SEMA6D: variants seen among roughly 807,000 people sequenced by gnomAD.
The protein encoded by SEMA6D is semaphorin 6D.
Under a neutral mutation model 106.6 loss-of-function variants are expected in SEMA6D, and 35 were observed. That is an observed-to-expected ratio of 0.33 (90% confidence interval 0.25 to 0.44). SEMA6D has a LOEUF of 0.44. Among genes scored for constraint, SEMA6D ranks in the 20% least tolerant of loss-of-function variants. SEMA6D has a pLI of 1.00. For synonymous variants in SEMA6D, 499 were observed against 487.7 expected (o/e 1.02, Z -0.31); for missense variants, 1,185 against 1,345.9 (o/e 0.88, Z 1.87).
At chr15:47,726,048 C>T (rs184741346) in intron 1 of SEMA6D, among the ~76,000 whole-genome samples, 3 of 152,230 alleles carry the variant, frequency 2.0e-5, no homozygotes, top group Non-Finnish European at 2.9e-5. Flanking sequence ...AGCAGAGAAC[C>T]TGTTTAGTTT....
chr15:47,227,338 T>C (rs2031750650), intron 1 of SEMA6D, among the ~76,000 whole-genome samples: 1 of 152,026 alleles, frequency 6.6e-6, no homozygotes, highest in Admixed American at 6.6e-5. Flanking sequence ...GAGCTGTTTC[T>C]GGTTTGCTCT....
chr15:47,731,010 T>A, intron 1 of SEMA6D: 2 of 602,244 alleles, frequency 3.3e-6, no homozygotes, highest in South Asian at 4.1e-5. Flanking sequence ...CATGCTGATT[T>A]TAGAAAATAT....
intron 1 of SEMA6D, among the ~76,000 whole-genome samples, chr15:47,234,172 A>G (rs1005833890): frequency 6.6e-6 from 1 of 151,942 alleles, no homozygotes; most frequent in Non-Finnish European, 1.5e-5. Context: ...CAGCAGTCAA[A>G]TGCAGTCCCA....
intron 2 of SEMA6D, among the ~76,000 whole-genome samples, chr15:47,420,573 C>T (rs1489824653): frequency 1.3e-5 from 2 of 152,042 alleles, no homozygotes; most frequent in African/African-American, 4.8e-5. Context: ...CATTGCAAGT[C>T]CTAGTGGCCC....
chr15:47,503,403 C>T (rs2043922941), intron 3 of SEMA6D, among the ~76,000 whole-genome samples: 1 of 152,270 alleles, frequency 6.6e-6, no homozygotes, highest in South Asian at 2.1e-4. Context: ...GTGAGGTTAT[C>T]TGTGTGGTGA....
At chr15:47,674,961 A>G (rs1213685112) in intron 4 of SEMA6D, among the ~76,000 whole-genome samples, 2 of 152,234 alleles carry the variant, frequency 1.3e-5, no homozygotes, top group Non-Finnish European at 2.9e-5. Context: ...CTCCTGGCTC[A>G]GTGATCTAAG....
rs2038181434 is a variant in SEMA6D at position 47,348,727 on chromosome 15, C to CAGAGAGAGAGAAAGAGAG, written c.-238-63655_-238-63654insAAGAGAGAGAGAGAGAGA. ...CACACACACACACACACCACACACA[C>CAGAGAGAGAGAAAGAGAG]AGAGAGAGAGAGAGAGAGAGAGAGA... On this transcript the variant is annotated intron_variant, in intron 1 of 19. Coordinates refer to the SEMA6D transcript ENST00000558014. Among the ~76,000 whole-genome samples, 5 of 57,054 alleles carry CAGAGAGAGAGAAAGAGAG rather than the reference C, an allele frequency of 8.8e-5. 1 individual carries two copies. The highest frequency in any genetic ancestry group is 1.6e-4 in the Non-Finnish European group (4 of 25,050). 37.4% of individuals were successfully genotyped at this position (57,054 alleles called of 152,430 possible).
chr15:47,716,989 T>G (rs1489354095), upstream of SEMA6D: 4 of 152,078 alleles, frequency 2.6e-5, no homozygotes, highest in African/African-American at 9.7e-5. Flanking sequence ...AATCTTACAC[T>G]GGAAAACTAA....
rs1380180373 is a variant in SEMA6D at position 47,767,066 on chromosome 15, T to G, written c.1738T>G (p.Tyr580Asp). The G allele has an allele frequency of 1.9e-6, 3 of 1,572,060 alleles. No individual in the cohort carries two copies. The highest frequency in any genetic ancestry group is 2.7e-5 in the African/African-American group (2 of 73,000). ...TTTGCCTACTTCAACTACACCAGAT[T>G]ACAAAATATTTGGCGGTCCAACATC... ...EILPTSTTPDYKIFGGPTSDM... is the reference protein window; with the variant it reads ...EILPTSTTPDDKIFGGPTSDM... Residue 580 changes from tyrosine to aspartate, a missense_variant, in exon 17 of 19, where the codon TAC (tyrosine) becomes GAC (aspartate). Around this residue, in one of 3 missense-constraint regions of SEMA6D, gnomAD observed 750 missense variants for 783.5 expected, o/e 0.96. Coordinates refer to ENST00000536845, the MANE Select transcript of SEMA6D (RefSeq NM_001358351.3).
rs74565595 is a variant in SEMA6D, at chr15:47,524,926, G to C, written c.-87+54381G>C. Among the ~76,000 whole-genome samples the C allele has an allele frequency of 3.8e-3, 580 of 152,256 alleles. 4 individuals carry two copies. The highest frequency in any genetic ancestry group is 0.014 in the African/African-American group (562 of 41,548). ...AGCATATTAATGAGACAAAAAAAGG[G>C]TTCCTTCATGAAAGTGCTCACGGAC... On this transcript the variant is annotated intron_variant, in intron 3 of 19. Transcript: ENST00000558014.
At chr15:47,286,795 A>G (rs1329447636) in intron 1 of SEMA6D, among the ~76,000 whole-genome samples, 3 of 152,138 alleles carry the variant, frequency 2.0e-5, no homozygotes, top group Non-Finnish European at 4.4e-5. Flanking sequence ...TCAATGGGCC[A>G]GCTATCTTTT....
intron 1 of SEMA6D, among the ~76,000 whole-genome samples, chr15:47,215,769 A>G (rs2030532758): frequency 6.6e-6 from 1 of 152,152 alleles, no homozygotes; most frequent in African/African-American, 2.4e-5. Flanking sequence ...CCTATAGAAC[A>G]CTTGATAATA....
intron 1 of SEMA6D, among the ~76,000 whole-genome samples, chr15:47,351,121 T>C (rs1595796534): frequency 1.3e-5 from 2 of 152,320 alleles, no homozygotes; most frequent in East Asian, 3.9e-4. Context: ...TCTGTTTCTC[T>C]GCATATCGCC....
At chr15:47,268,472 G>A (rs910930687) in intron 1 of SEMA6D, among the ~76,000 whole-genome samples, 11 of 152,284 alleles carry the variant, frequency 7.2e-5, no homozygotes, top group South Asian at 2.1e-4. Context: ...TGTTAGGAGG[G>A]CAGAGGTGGT....
chr15:47,363,003 G>T (rs1259475882), intron 1 of SEMA6D, among the ~76,000 whole-genome samples: 6 of 151,974 alleles, frequency 3.9e-5, no homozygotes, highest in African/African-American at 1.4e-4. Flanking sequence ...TTTATAGCTG[G>T]TCAAGTTTAA....
At chr15:47,395,188 A>G (rs1489907010) in intron 1 of SEMA6D, among the ~76,000 whole-genome samples, 1 of 152,226 alleles carries the variant, frequency 6.6e-6, no homozygotes, top group Non-Finnish European at 1.5e-5. Flanking sequence ...TGGAAAATAC[A>G]TTATACTACA....
At chr15:47,707,742 T>C (rs2078940337) in intron 4 of SEMA6D, among the ~76,000 whole-genome samples, 1 of 152,202 alleles carries the variant, frequency 6.6e-6, no homozygotes, top group Non-Finnish European at 1.5e-5. Context: ...CTGGAAAATA[T>C]GTTCCCGCTG....
At chr15:47,728,024 C>T (rs558460947) in intron 1 of SEMA6D, among the ~76,000 whole-genome samples, 2 of 152,332 alleles carry the variant, frequency 1.3e-5, no homozygotes, top group East Asian at 3.9e-4. Context: ...GAACAACCCC[C>T]ATCATCATTT....
chr15:47,491,304 G>A (rs1208403338), intron 3 of SEMA6D, among the ~76,000 whole-genome samples: 1 of 152,136 alleles, frequency 6.6e-6, no homozygotes, highest in Non-Finnish European at 1.5e-5. Flanking sequence ...TATTATCACA[G>A]TGGAATATTA....
Sources: allele counts gnomAD v4.1 joint callset (sites outside exome capture counted in the v4.1 genomes callset), GRCh38; gene constraint gnomAD v4.1.1; regional missense constraint gnomAD v4.1.1; transcripts MANE v1.5; gene names NCBI Gene and HGNC (gene_info 2026-07-23, HGNC 2026-07-21).